CNIH3: variants seen among roughly 807,000 people sequenced by gnomAD.
The protein encoded by CNIH3 is cornichon family AMPA receptor auxiliary protein 3.
In CNIH3, 14 loss-of-function variants were observed where a neutral mutation model predicts 24.1. The ratio of observed to expected loss-of-function variants is 0.58; its 90% CI spans 0.38 to 0.91. The LOEUF (loss-of-function observed/expected upper bound fraction) is 0.91, where lower values mean the gene tolerates loss of function less well. CNIH3 is among the 40% of genes least tolerant of loss of function. The pLI is 0.00. For missense variants in CNIH3, 178 were observed against 196.8 expected, an observed-to-expected ratio of 0.90 and a Z score of 0.57; for synonymous variants, 68 against 73.8, an observed-to-expected ratio of 0.92 and a Z score of 0.40.
intron 1 of CNIH3, among the ~76,000 whole-genome samples, chr1:224,640,719 G>A (rs1297429419): frequency 1.3e-5 from 2 of 152,184 alleles, no homozygotes; most frequent in Non-Finnish European, 2.9e-5. Context: ...GAACTGGTGG[G>A]GTGTCATGGC....
intron 1 of CNIH3, among the ~76,000 whole-genome samples, chr1:224,469,534 G>A (rs1676284268): frequency 6.6e-5 from 10 of 152,186 alleles, no homozygotes. Context: ...TAGCGACAGA[G>A]TCTTGCTCTG....
At chr1:224,443,350 A>C (rs972078030) in intron 1 of CNIH3, among the ~76,000 whole-genome samples, 1 of 152,184 alleles carries the variant, frequency 6.6e-6, no homozygotes, top group African/African-American at 2.4e-5. Flanking sequence ...TAAATTGTGT[A>C]GGCCTGTAGT....
intron 3 of CNIH3, among the ~76,000 whole-genome samples, chr1:224,548,202 A>T (rs1041498856): frequency 2.6e-5 from 4 of 152,028 alleles, no homozygotes; most frequent in African/African-American, 9.7e-5. Flanking sequence ...CTAATATCAC[A>T]ATGGGTGTAC....
chr1:224,660,345 G>C lies in CNIH3; in HGVS notation c.82-20613G>C, dbSNP rs552478923. Among the ~76,000 whole-genome samples the C allele has an allele frequency of 8.3e-4, 127 of 152,208 alleles. 1 individual carries two copies. Among genetic ancestry groups the C allele is most frequent in the Admixed American group, 3.0e-3 (46 of 15,284 alleles). ...ATGGAAATCACCCCCATAATTCAAT[G>C]ATCTCCCACTGGGTCCCTCCCACAA... is the stretch of plus-strand genomic sequence containing the variant. On this transcript the variant is annotated intron_variant, in intron 1 of 5. Transcript: ENST00000272133.
intron 1 of CNIH3, among the ~76,000 whole-genome samples, chr1:224,633,219 C>T (rs982637921): frequency 1.3e-5 from 2 of 151,956 alleles, no homozygotes; most frequent in African/African-American, 4.8e-5. Context: ...AATGCAGTGG[C>T]GCGATCTCTG....
intron 3 of CNIH3, among the ~76,000 whole-genome samples, chr1:224,727,318 T>G (rs192609522): frequency 9.2e-5 from 14 of 152,316 alleles, no homozygotes; most frequent in Admixed American, 8.5e-4. Context: ...CTTGGCAGCT[T>G]AAAACAACAC....
Position 224,458,578 on chromosome 1 carries a change from C to CA in CNIH3, n.203+23718dup, listed in dbSNP as rs1402476547. On this transcript the variant is annotated intron_variant and non_coding_transcript_variant, in intron 1 of 5. Coordinates refer to the CNIH3 transcript ENST00000471578. This position sits in a 1 kb window ranked among gnomAD's most constrained non-coding sequence, Gnocchi z 4.3. ...CTCTGTGGCTGTTACTGTCTGATTC[C>CA]AACCTTCCACTGTTGAACAGACCTC... is the stretch of plus-strand genomic sequence containing the variant. 6.6e-6 allele frequency among the ~76,000 whole-genome samples: 1 copy of CA among 152,212 alleles called. No individual in the cohort carries two copies. The highest frequency in any genetic ancestry group is 1.5e-5 in the Non-Finnish European group (1 of 68,036).
At chr1:224,533,417 A>G (rs1679159123) in intron 2 of CNIH3, among the ~76,000 whole-genome samples, 1 of 150,436 alleles carries the variant, frequency 6.6e-6, no homozygotes, top group Non-Finnish European at 1.5e-5. Flanking sequence ...CAGAGAGAGG[A>G]CAGTCTGGCT....
chr1:224,494,830 G>T (rs1677370357), intron 1 of CNIH3, among the ~76,000 whole-genome samples: 1 of 152,050 alleles, frequency 6.6e-6, no homozygotes, highest in Non-Finnish European at 1.5e-5. Flanking sequence ...ACGCCCTCTG[G>T]ATCTTTGTCT....
chr1:224,660,013 A>G (rs986467964), intron 1 of CNIH3, among the ~76,000 whole-genome samples: 2 of 152,202 alleles, frequency 1.3e-5, no homozygotes, highest in Admixed American at 1.3e-4. Flanking sequence ...CAGGAGACCA[A>G]TCTTTTTCAC....
At chr1:224,588,966 C>CTGTTTTTTT (rs1681630124), downstream of CNIH3, among the ~76,000 whole-genome samples, 1 of 76,974 alleles carries the variant, frequency 1.3e-5, no homozygotes, top group East Asian at 6.3e-4. Context: ...TCCTGACCCC[C>CTGTTTTTTT]TGTTTTTTTT....
At chr1:224,457,269 CTCTCTCTGTGTGTGTGTGTGTGTGTG>C (rs768160294) in intron 1 of CNIH3, among the ~76,000 whole-genome samples, 1 of 104,628 alleles carries the variant, frequency 9.6e-6, no homozygotes, top group Non-Finnish European at 1.9e-5. Flanking sequence ...GCCCTCCTCT[CTCTCTCTGTGTGTGTGTGTGTGTGTG>C]TGTGTGTGTG....
intron 1 of CNIH3, among the ~76,000 whole-genome samples, chr1:224,624,044 C>T (rs1683403442): frequency 6.6e-6 from 1 of 152,240 alleles, no homozygotes; most frequent in African/African-American, 2.4e-5. Context: ...ACAAAGCCCT[C>T]TGCATCCACC....
chr1:224,689,220 T>G (rs2125155757), intron 3 of CNIH3, among the ~76,000 whole-genome samples: 1 of 152,330 alleles, frequency 6.6e-6, no homozygotes, highest in Admixed American at 6.5e-5. Flanking sequence ...TCAATGTGAC[T>G]GTAAACTAGG....
At chr1:224,438,281 C>T (rs1207365317) in intron 1 of CNIH3, among the ~76,000 whole-genome samples, 1 of 150,680 alleles carries the variant, frequency 6.6e-6, no homozygotes, top group Non-Finnish European at 1.5e-5. Flanking sequence ...TGGTCTCAAA[C>T]TCTTGAGCTC....
intron 3 of CNIH3, among the ~76,000 whole-genome samples, chr1:224,702,222 A>G (rs1212029093): frequency 6.6e-6 from 1 of 152,154 alleles, no homozygotes; most frequent in African/African-American, 2.4e-5. Context: ...AAATAATTAC[A>G]CAAGCTTTCA....
chr1:224,545,617 TA>T (rs1302267574), intron 2 of CNIH3, among the ~76,000 whole-genome samples: 1 of 152,146 alleles, frequency 6.6e-6, no homozygotes, highest in African/African-American at 2.4e-5. Flanking sequence ...GCAGTGGCTG[TA>T]AGAACAAACA....
chr1:224,483,564 A>G (rs544444938), intron 1 of CNIH3, among the ~76,000 whole-genome samples: 2 of 141,702 alleles, frequency 1.4e-5, no homozygotes, highest in East Asian at 2.1e-4. Flanking sequence ...TAATTTTTGT[A>G]TTTTTTTTTT....
rs371208608 is a variant in CNIH3, at chr1:224,739,408, G to A, written c.*52G>A. On this transcript the variant is annotated 3_prime_UTR_variant, in exon 6 of 6. Coordinates refer to ENST00000272133, the MANE Select transcript of CNIH3 (RefSeq NM_152495.2). Reference sequence around the variant, plus strand: ...ACTGAGATGGGAGAGGCCTGAGACGGAGAGGTGCATTTCTGCTGGTGACTG... The same window carrying A: ...ACTGAGATGGGAGAGGCCTGAGACGAAGAGGTGCATTTCTGCTGGTGACTG... The A allele has an allele frequency of 2.8e-5, 44 of 1,591,708 alleles. No homozygotes were observed. In the African/African-American group the frequency reaches 3.9e-4, roughly 14 times the overall value.
Sources: allele counts gnomAD v4.1 joint callset (sites outside exome capture counted in the v4.1 genomes callset), GRCh38; gene constraint gnomAD v4.1.1; non-coding constraint Gnocchi (gnomAD v3.1); transcripts MANE v1.5; gene names NCBI Gene and HGNC (gene_info 2026-07-23, HGNC 2026-07-21).